KHDRBS2: variants seen among roughly 807,000 people sequenced by gnomAD.
KHDRBS2 encodes the protein KH RNA binding domain containing, signal transduction associated 2.
Under a neutral mutation model 44.3 loss-of-function variants are expected in KHDRBS2, and 26 were observed. That is an observed-to-expected ratio of 0.59 (90% CI 0.43 to 0.81). The LOEUF (loss-of-function observed/expected upper bound fraction) is 0.81. Among genes scored for constraint, KHDRBS2 ranks in the 40% least tolerant of loss-of-function variants. The probability of loss-of-function intolerance (pLI) is 0.00; values close to 1 mark genes in which losing one functional copy is unlikely to be tolerated. For missense variants in KHDRBS2, 476 were observed against 433.1 expected (o/e 1.10, Z -0.88); for synonymous variants, 194 against 151.1 (o/e 1.28, Z -2.08).
At chr6:61,852,420 T>G (rs1300727004) in intron 6 of KHDRBS2, among the ~76,000 whole-genome samples, 1 of 151,702 alleles carries the variant, frequency 6.6e-6, no homozygotes, top group South Asian at 2.1e-4. Flanking sequence ...AAAAATTAGC[T>G]GGGTGTGGTG....
At chr6:61,606,857 C>G in the KHDRBS2 span, among the ~76,000 whole-genome samples, 2 of 152,110 alleles carry the variant, frequency 1.3e-5, no homozygotes, top group East Asian at 3.9e-4. Context: ...TGCAGGCCCT[C>G]TAAATAGATA....
At chr6:61,567,214 C>A in the KHDRBS2 span, among the ~76,000 whole-genome samples, 1 of 151,942 alleles carries the variant, frequency 6.6e-6, no homozygotes, top group East Asian at 1.9e-4. Context: ...AGATTTATAT[C>A]TCAAAGGGGG....
At chr6:62,225,357 T>A (rs776883440) in intron 1 of KHDRBS2, among the ~76,000 whole-genome samples, 2 of 152,120 alleles carry the variant, frequency 1.3e-5, no homozygotes, top group Non-Finnish European at 2.9e-5. Context: ...GGTATAAAAT[T>A]GGGATATACT....
intron 6 of KHDRBS2, among the ~76,000 whole-genome samples, chr6:61,878,619 CT>C (rs1174039480): frequency 1.3e-5 from 2 of 152,074 alleles, no homozygotes; most frequent in East Asian, 3.9e-4. Context: ...TGGACGTAAG[CT>C]TTCATATCCA....
intron 6 of KHDRBS2, among the ~76,000 whole-genome samples, chr6:61,772,413 A>G (rs1781087990): frequency 6.6e-6 from 1 of 152,216 alleles, no homozygotes; most frequent in Admixed American, 6.5e-5. Context: ...CAAAATTGAT[A>G]GACCGCTAGC....
chr6:61,893,172 G>A (rs1358854593), intron 6 of KHDRBS2, among the ~76,000 whole-genome samples: 4 of 152,276 alleles, frequency 2.6e-5, no homozygotes, highest in East Asian at 3.9e-4. Flanking sequence ...TGGCCATCAA[G>A]GAAACGCAAA....
At chr6:61,640,136 A>G in the KHDRBS2 span, among the ~76,000 whole-genome samples, 1 of 152,072 alleles carries the variant, frequency 6.6e-6, no homozygotes, top group African/African-American at 2.4e-5. Context: ...ATAATTTTCA[A>G]ATAACAAGTT....
intron 1 of KHDRBS2, among the ~76,000 whole-genome samples, chr6:62,284,693 T>C (rs1227098825): frequency 3.9e-5 from 6 of 152,180 alleles, no homozygotes; most frequent in African/African-American, 1.4e-4. Context: ...CTTTTCCTAA[T>C]TGTTTAGTAT....
intron 6 of KHDRBS2, among the ~76,000 whole-genome samples, chr6:61,894,083 C>G (rs78776388): frequency 1.3e-5 from 2 of 151,844 alleles, no homozygotes; most frequent in African/African-American, 2.4e-5. Context: ...CCAAAAGATA[C>G]AGTAGATAGG....
rs373091004 is a variant in KHDRBS2, at chr6:62,060,609, GTCTCTC to G, written c.220-12621_220-12616del. Among the ~76,000 whole-genome samples the G allele has an allele frequency of 1.2e-4, 18 of 147,982 alleles. No individual in the cohort carries two copies. The East Asian group carries it at 1.8e-3, about 15-fold the overall frequency. ...AGTAAAGGTCTCTCTCTCTCTCTCTGTCTCTCTCTCTCTCTCTCTCTCTCTATATAT... is the reference window on the plus strand; with the variant it reads ...AGTAAAGGTCTCTCTCTCTCTCTCTGTCTCTCTCTCTCTCTCTCTATATAT... On this transcript the variant is annotated intron_variant, in intron 2 of 8. Coordinates refer to ENST00000281156, the MANE Select transcript of KHDRBS2 (RefSeq NM_152688.4).
At chr6:61,887,199 A>AT (rs748270153) in intron 6 of KHDRBS2, among the ~76,000 whole-genome samples, 8 of 152,202 alleles carry the variant, frequency 5.3e-5, no homozygotes, top group Non-Finnish European at 8.8e-5. Context: ...AAACTAGTTG[A>AT]TAGTATTATC....
chr6:61,920,826 C>G lies in KHDRBS2; in HGVS notation c.484-19455G>C, dbSNP rs567053484. The stretch of plus-strand genomic sequence containing the variant: ...TAAGGAAGACCAATAAAACAAAATA[C>G]TGACTCAAGTGAAGATTTTGTAGAA... On this transcript the variant is annotated intron_variant, in intron 4 of 8. Coordinates refer to ENST00000281156, the MANE Select transcript of KHDRBS2 (RefSeq NM_152688.4). Among the ~76,000 whole-genome samples, 64 of 151,890 alleles carry G rather than the reference C, an allele frequency of 4.2e-4. 1 individual carries two copies. The highest frequency in any genetic ancestry group is 1.5e-3 in the African/African-American group (63 of 41,484).
At chr6:61,934,397 C>T (rs1810651379) in intron 4 of KHDRBS2, among the ~76,000 whole-genome samples, 1 of 152,024 alleles carries the variant, frequency 6.6e-6, no homozygotes. Flanking sequence ...TGAAGCATTT[C>T]CCCTAGGAGA....
At chr6:61,651,822 T>C in the KHDRBS2 span, among the ~76,000 whole-genome samples, 1 of 152,134 alleles carries the variant, frequency 6.6e-6, no homozygotes, top group Non-Finnish European at 1.5e-5. Context: ...TCTAAAGATA[T>C]CCAGATTGTA....
the KHDRBS2 span, among the ~76,000 whole-genome samples, chr6:61,545,802 T>A: frequency 6.6e-6 from 1 of 151,920 alleles, no homozygotes; most frequent in Non-Finnish European, 1.5e-5. Flanking sequence ...GTAGGTCTGA[T>A]GGGATTAGTG....
intron 1 of KHDRBS2, among the ~76,000 whole-genome samples, chr6:62,206,480 T>G (rs1277608346): frequency 6.6e-6 from 1 of 152,140 alleles, no homozygotes; most frequent in Non-Finnish European, 1.5e-5. Flanking sequence ...TAATATTATG[T>G]TGAGTTCTAT....
chr6:62,146,759 C>T (rs1463341982), intron 2 of KHDRBS2, among the ~76,000 whole-genome samples: 1 of 133,758 alleles, frequency 7.5e-6, no homozygotes, highest in African/African-American at 2.8e-5. Context: ...AGATTTTTCT[C>T]TTCCTCTCCA....
At chr6:61,693,054 A>T (rs900635029) in intron 8 of KHDRBS2, among the ~76,000 whole-genome samples, 10 of 152,168 alleles carry the variant, frequency 6.6e-5, no homozygotes, top group African/African-American at 2.4e-4. Flanking sequence ...AACTGGAGAT[A>T]TGAGATTTAT....
In KHDRBS2 at chr6:62,023,405, A is replaced by G. The variant is rs115551172; in HGVS notation, c.336+24473T>C. Among the ~76,000 whole-genome samples the G allele has an allele frequency of 5.7e-3, 862 of 151,776 alleles. 3 individuals carry two copies. The highest frequency in any genetic ancestry group is 9.8e-3 in the Non-Finnish European group (660 of 67,670). ...TTTCAGCATAGATATTCTCTAAAGC[A>G]TTGTAATTCATCATACAGACAATTT... On this transcript the variant is annotated intron_variant, in intron 3 of 8. Coordinates refer to ENST00000281156, the MANE Select transcript of KHDRBS2 (RefSeq NM_152688.4).
Sources: gnomAD v4.1 joint callset for allele counts (sites outside exome capture counted in the v4.1 genomes callset) on GRCh38, gnomAD v4.1.1 for gene constraint, MANE v1.5 for transcripts, NCBI Gene and HGNC (gene_info 2026-07-23, HGNC 2026-07-21) for gene names.